VWA3B: variants seen among roughly 807,000 people sequenced by gnomAD.
The protein encoded by VWA3B is von Willebrand factor A domain-containing protein 3B.
Under a neutral mutation model 158.3 loss-of-function variants are expected in VWA3B, and 138 were observed. That is an observed-to-expected ratio of 0.87 (90% CI 0.76 to 1.00). VWA3B has a LOEUF of 1.00. Ranked by LOEUF, VWA3B falls within the 50% of genes least tolerant of loss-of-function variation. VWA3B has a pLI of 0.00. For synonymous variants in VWA3B, 596 were observed against 587.3 expected, an observed-to-expected ratio of 1.01 and a Z score of -0.21; for missense variants, 1,555 against 1,565.1, an observed-to-expected ratio of 0.99 and a Z score of 0.11.
intron 21 of VWA3B, among the ~76,000 whole-genome samples, chr2:98,259,214 G>A (rs1011477642): frequency 6.6e-6 from 1 of 151,684 alleles, no homozygotes; most frequent in African/African-American, 2.4e-5. Context: ...AAAGAAAATG[G>A]TCTGTAGTTT....
chr2:98,227,709 G>T lies in VWA3B; in HGVS notation c.2020-493G>T, dbSNP rs1685026286. On this transcript the variant is annotated intron_variant, in intron 14 of 27. Coordinates refer to ENST00000477737, the MANE Select transcript of VWA3B (RefSeq NM_144992.5). ...AAACTGAAACTAATGTGTAGTGACA[G>T]AAAGCCAATGAGTAGTTCCTGGAGA... Among the ~76,000 whole-genome samples, 3 of 152,198 alleles carry T rather than the reference G, an allele frequency of 2.0e-5. 1 individual carries two copies. The South Asian group carries it at 6.2e-4, about 32-fold the overall frequency.
chr2:98,246,056 C>A (rs931667894), intron 19 of VWA3B, among the ~76,000 whole-genome samples: 8 of 152,082 alleles, frequency 5.3e-5, no homozygotes, highest in African/African-American at 1.9e-4. Context: ...TTTTCTAAAT[C>A]TTTGCCTATT....
chr2:98,087,891 T>C (rs1681976243), intron 1 of VWA3B, among the ~76,000 whole-genome samples: 1 of 152,240 alleles, frequency 6.6e-6, no homozygotes, highest in African/African-American at 2.4e-5. Flanking sequence ...AGCTTTTCCT[T>C]TCATTTTCTT....
At position 98,121,075 on chromosome 2, in the gene VWA3B, C is replaced by G. The variant is rs181464767; in HGVS notation, c.543-224C>G. On this transcript the variant is annotated intron_variant, in intron 4 of 27. Transcript: ENST00000477737. Reference sequence around the variant, plus strand: ...TGTTTCTCATGTAAACATTGTTTTTCCTAGTCAGCACAGCTTATAGAAGGT... The same window carrying G: ...TGTTTCTCATGTAAACATTGTTTTTGCTAGTCAGCACAGCTTATAGAAGGT... Among the ~76,000 whole-genome samples the G allele has an allele frequency of 7.9e-5, 12 of 152,272 alleles. No homozygotes were observed. The East Asian group carries it at 1.9e-3, about 24-fold the overall frequency.
chr2:98,185,071 C>T (rs1680901310), intron 9 of VWA3B, among the ~76,000 whole-genome samples: 1 of 152,196 alleles, frequency 6.6e-6, no homozygotes, highest in African/African-American at 2.4e-5. Context: ...TCCCCAACTC[C>T]ATCTCTACCA....
At chr2:98,228,471 A>AT (rs1410306011) in intron 15 of VWA3B, 139 bp downstream of exon 15, 5 of 1,101,524 alleles carry the variant, frequency 4.5e-6, no homozygotes, top group East Asian at 2.7e-5. Context: ...TTAAGTTAGG[A>AT]TTTTTTTAAG....
chr2:98,256,263 G>A (rs1687137640), intron 21 of VWA3B, 89 bp downstream of exon 21: 2 of 1,401,288 alleles, frequency 1.4e-6, no homozygotes, highest in Non-Finnish European at 1.9e-6. Flanking sequence ...CAATGCAGAG[G>A]TATTTAAAAT....
chr2:98,143,133 G>C (rs771976744), intron 7 of VWA3B, among the ~76,000 whole-genome samples: 1 of 151,944 alleles, frequency 6.6e-6, no homozygotes, highest in Non-Finnish European at 1.5e-5. Flanking sequence ...TCCATCTCCT[G>C]GGTTCAAGTG....
chr2:98,163,655 C>A (rs1678832764), intron 8 of VWA3B, among the ~76,000 whole-genome samples: 1 of 152,068 alleles, frequency 6.6e-6, no homozygotes. Flanking sequence ...ACAACATGGA[C>A]AAGTGGGGAT....
intron 7 of VWA3B, among the ~76,000 whole-genome samples, chr2:98,141,228 CTGTG>C (rs1676755958): frequency 6.6e-6 from 1 of 152,154 alleles, no homozygotes; most frequent in South Asian, 2.1e-4. Context: ...CTCTCTGTTT[CTGTG>C]TGTATGCGTC....
intron 21 of VWA3B, 37 bp downstream of exon 21, chr2:98,256,211 G>A: frequency 2.9e-6 from 3 of 1,033,016 alleles, no homozygotes; most frequent in Non-Finnish European, 4.3e-6. Context: ...TTTTTTTTTT[G>A]GTGAAATTCA....
At chr2:98,275,631 C>G (rs894517734) in intron 22 of VWA3B, among the ~76,000 whole-genome samples, 1 of 152,236 alleles carries the variant, frequency 6.6e-6, no homozygotes, top group African/African-American at 2.4e-5. Context: ...ACTTCACATA[C>G]CTGGGAGAGT....
At chr2:98,284,758 TC>T (rs1360268301) in intron 22 of VWA3B, among the ~76,000 whole-genome samples, 4 of 152,204 alleles carry the variant, frequency 2.6e-5, no homozygotes, top group African/African-American at 9.7e-5. Flanking sequence ...TGCTAGGCAC[TC>T]CAATTGGGAT....
At position 98,280,940 on chromosome 2, in the gene VWA3B, C is replaced by G. The variant is rs563882670; in HGVS notation, c.3046-9571C>G. 1.4e-4 allele frequency among the ~76,000 whole-genome samples: 21 copies of G among 152,322 alleles called. No individual in the cohort carries two copies. In the South Asian group the frequency reaches 3.5e-3, roughly 26 times the overall value. ...CCTTGCTGCTTCTTCAGGGCTCATG[C>G]AGGAAATTCCACTTAGAGCTTCACT... On this transcript the variant is annotated intron_variant, in intron 22 of 27. Transcript: ENST00000477737.
chr2:98,191,493 T>C (rs1681565798), intron 10 of VWA3B, among the ~76,000 whole-genome samples: 1 of 152,242 alleles, frequency 6.6e-6, no homozygotes, highest in East Asian at 1.9e-4. Context: ...GAAACCAGTT[T>C]GATCTCTCTA....
intron 12 of VWA3B, among the ~76,000 whole-genome samples, chr2:98,208,247 G>A (rs1286860769): frequency 2.0e-5 from 3 of 151,708 alleles, no homozygotes; most frequent in African/African-American, 4.8e-5. Context: ...ACCTATCTAC[G>A]TTGTTATGCC....
chr2:98,221,750 T>C (rs183154681), intron 14 of VWA3B, among the ~76,000 whole-genome samples: 301 of 152,290 alleles, frequency 2.0e-3, no homozygotes, highest in African/African-American at 6.9e-3. Flanking sequence ...AGCAGTGCTC[T>C]GAGTCCCTCA....
chr2:98,128,886 G>A (rs1268726204), intron 6 of VWA3B, among the ~76,000 whole-genome samples: 2 of 152,154 alleles, frequency 1.3e-5, no homozygotes, highest in Admixed American at 6.5e-5. Context: ...CCTTCCCTTG[G>A]AATCCACACT....
At chr2:98,170,884 C>T (rs549057802) in intron 8 of VWA3B, among the ~76,000 whole-genome samples, 11 of 152,240 alleles carry the variant, frequency 7.2e-5, no homozygotes, top group Admixed American at 3.3e-4. Flanking sequence ...GGATTACAGG[C>T]GTGAGCCACC....
Sources: gnomAD v4.1 joint callset for allele counts (sites outside exome capture counted in the v4.1 genomes callset) on GRCh38, gnomAD v4.1.1 for gene constraint, MANE v1.5 for transcripts, NCBI Gene and HGNC (gene_info 2026-07-23, HGNC 2026-07-21) for gene names.